INTS2: variants seen among roughly 807,000 people sequenced by gnomAD.
INTS2 encodes the protein KIAA1287.
A neutral mutation model predicts 139.6 loss-of-function variants in INTS2; 57 were observed. That is an observed-to-expected ratio of 0.41 (90% confidence interval 0.33 to 0.51). The LOEUF (loss-of-function observed/expected upper bound fraction) is 0.51, where lower values mean the gene tolerates loss of function less well. Ranked by LOEUF, INTS2 falls within the 20% of genes least tolerant of loss-of-function variation. INTS2 has a pLI of 0.28. For synonymous variants in INTS2, 473 were observed against 493.4 expected, an observed-to-expected ratio of 0.96 and a Z score of 0.55; for missense variants, 1,196 against 1,436.7, an observed-to-expected ratio of 0.83 and a Z score of 2.71.
chr17:61,877,214 G>A (rs944234318), intron 18 of INTS2, among the ~76,000 whole-genome samples: 1 of 152,012 alleles, frequency 6.6e-6, no homozygotes, highest in African/African-American at 2.4e-5. Flanking sequence ...TATATGGGGA[G>A]GATATAAATA....
At chr17:61,912,573 G>C (rs759570437) in intron 5 of INTS2, among the ~76,000 whole-genome samples, 5 of 151,976 alleles carry the variant, frequency 3.3e-5, no homozygotes, top group African/African-American at 1.2e-4. Flanking sequence ...AGTGAGCCAA[G>C]ATCGCATCAT....
chr17:61,901,986 T>G (rs1287090449), intron 9 of INTS2, among the ~76,000 whole-genome samples: 1 of 152,192 alleles, frequency 6.6e-6, no homozygotes, highest in East Asian at 1.9e-4. Flanking sequence ...CTTTGACATC[T>G]GATTGATAGT....
In INTS2 at chr17:61,891,701, T is replaced by C. The variant is rs751761395; in HGVS notation, c.1699-12A>G. 4 of 1,578,842 alleles carry C rather than the reference T, an allele frequency of 2.5e-6. No homozygotes were observed. In the South Asian group the frequency reaches 4.6e-5, roughly 18 times the overall value. ...CTATAAATCCAATCCTAAGAAAGAA[T>C]GTTATAGACACTGAATTAATTGTGG... On this transcript the variant is annotated splice_polypyrimidine_tract_variant and intron_variant, in intron 13 of 24. Coordinates refer to ENST00000251334, the MANE Select transcript of INTS2 (RefSeq NM_001351695.2).
intron 9 of INTS2, among the ~76,000 whole-genome samples, chr17:61,899,094 C>T (rs527400293): frequency 6.6e-6 from 1 of 152,276 alleles, no homozygotes; most frequent in Non-Finnish European, 1.5e-5. Context: ...AACCATATAA[C>T]AAATAATAAA....
At chr17:61,885,500 C>T (rs551480305) in intron 15 of INTS2, among the ~76,000 whole-genome samples, 13 of 151,394 alleles carry the variant, frequency 8.6e-5, no homozygotes, top group East Asian at 3.9e-4. Flanking sequence ...CTGCAACCTC[C>T]GCTTCCCGGG....
Position 61,893,030 on chromosome 17 carries a change from G to A in INTS2, c.1698+735C>T, listed in dbSNP as rs887606407. Among the ~76,000 whole-genome samples the A allele has an allele frequency of 6.6e-6, 1 of 151,050 alleles. No homozygotes were observed. The highest frequency in any genetic ancestry group is 1.5e-5 in the Non-Finnish European group (1 of 67,882). On this transcript the variant is annotated intron_variant, in intron 13 of 24. Coordinates refer to ENST00000251334, the MANE Select transcript of INTS2 (RefSeq NM_001351695.2). The surrounding 1 kb of genome is among the most constrained non-coding windows in gnomAD (Gnocchi z 5.4). ...TCCAGCTACTTAGGAGGCTGTGGCAGGAGGACTGCTTGAGCCCAGGAGTTT... is the reference window on the plus strand; with the variant it reads ...TCCAGCTACTTAGGAGGCTGTGGCAAGAGGACTGCTTGAGCCCAGGAGTTT...
Position 61,869,185 on chromosome 17 carries a change from T to G in INTS2, c.3139-46A>C. ...ATTACATGTTTCTCAAGAATATCTT[T>G]AGGTATTAAAAATTATAAAATGTTT... On this transcript the variant is annotated intron_variant, in intron 22 of 24. Coordinates refer to ENST00000251334, the MANE Select transcript of INTS2 (RefSeq NM_001351695.2). The surrounding 1 kb of genome is among the most constrained non-coding windows in gnomAD (Gnocchi z 5.4). 1 of 1,473,732 alleles carries G rather than the reference T, an allele frequency of 6.8e-7. No individual in the cohort carries two copies. Among genetic ancestry groups the G allele is most frequent in the Non-Finnish European group, 9.5e-7 (1 of 1,056,220 alleles). The allele number at this position is 1,473,732 out of a possible 1,614,324, so 91.3% of individuals were successfully genotyped here.
intron 13 of INTS2, among the ~76,000 whole-genome samples, chr17:61,892,909 G>C (rs1276579433): frequency 7.3e-6 from 1 of 136,388 alleles, no homozygotes; most frequent in Non-Finnish European, 1.5e-5. Flanking sequence ...AGCTGAGATA[G>C]CACCACTGCA....
intron 12 of INTS2, 187 bp from the exon 13 acceptor site, chr17:61,894,086 A>G (rs2079322960): frequency 7.6e-6 from 3 of 392,786 alleles, no homozygotes; most frequent in Admixed American, 8.4e-5. Flanking sequence ...AGGGATTTAT[A>G]TAATTCCCTA....
At chr17:61,917,587 T>C (rs1159766773) in intron 5 of INTS2, among the ~76,000 whole-genome samples, 2 of 152,108 alleles carry the variant, frequency 1.3e-5, no homozygotes, top group African/African-American at 4.8e-5. Context: ...TGGGTACACA[T>C]GGACATAAAG....
chr17:61,904,525 C>T lies in INTS2; in HGVS notation c.1242G>A (p.Thr414=), dbSNP rs775517225. 3.2e-5 allele frequency: 52 copies of T among 1,611,824 alleles called. No individual in the cohort carries two copies. Among genetic ancestry groups the T allele is most frequent in the South Asian group, 5.5e-5 (5 of 90,732 alleles). ...GTGAAACAAAGCGAACCCCAGCTGG[C>T]GTAGCAGGAGGACGGCTCGTCATCA... The part of the protein sequence containing the change: ...LQLMTSRPPA[T]PAGVRFVSLS... Residue 414 remains threonine (T), a synonymous_variant, in exon 9 of 25, where the codon ACG becomes ACA. Transcript: ENST00000251334.
chr17:61,901,786 C>T (rs150775145), intron 9 of INTS2, among the ~76,000 whole-genome samples: 1,953 of 151,264 alleles, frequency 0.013, 47 homozygotes, highest in African/African-American at 0.045. Context: ...TTAGTAGAGA[C>T]GGGGTTTCAC....
In INTS2 at chr17:61,924,949, A is replaced by G. The variant is rs2079693693; in HGVS notation, c.432+12T>C. 2 of 1,609,538 alleles carry G rather than the reference A, an allele frequency of 1.2e-6. No individual in the cohort carries two copies. Among genetic ancestry groups the G allele is most frequent in the Admixed American group, 1.7e-5 (1 of 59,304 alleles). ...TCATGCATACTTTGAGCTGTGGTTA[A>G]AAGAAATGCACCTTGTTCATAATTG... On this transcript the variant is annotated intron_variant, in intron 3 of 24. Transcript: ENST00000251334.
At position 61,876,436 on chromosome 17, in the gene INTS2, A is replaced by T. The variant is rs2079127324; in HGVS notation, c.2457-1398T>A. 6.6e-6 allele frequency among the ~76,000 whole-genome samples: 1 copy of T among 152,018 alleles called. No homozygotes were observed. Reference sequence around the variant, plus strand: ...CATGAAGACAGAAAGCTCTGAAAGGAATGTCTCCAAGAAAAAAAAAATAGT... The same window carrying T: ...CATGAAGACAGAAAGCTCTGAAAGGTATGTCTCCAAGAAAAAAAAAATAGT... On this transcript the variant is annotated intron_variant, in intron 18 of 24. Coordinates refer to ENST00000251334, the MANE Select transcript of INTS2 (RefSeq NM_001351695.2). The surrounding 1 kb of genome is among the most constrained non-coding windows in gnomAD (Gnocchi z 4.1).
chr17:61,883,457 TAAAG>T (rs1386934197), intron 16 of INTS2, among the ~76,000 whole-genome samples: 2 of 137,914 alleles, frequency 1.5e-5, no homozygotes, highest in Non-Finnish European at 3.1e-5. Flanking sequence ...CCAACCATAA[TAAAG>T]AAAAAATTCC....
chr17:61,902,895 G>A (rs1441291943), intron 9 of INTS2, among the ~76,000 whole-genome samples: 2 of 150,268 alleles, frequency 1.3e-5, no homozygotes, highest in African/African-American at 4.9e-5. Context: ...GGCTGGGCAC[G>A]GTGGCTCACG....
rs1267364780 is a variant in INTS2 at position 61,926,329 on chromosome 17, CATATA to C, written c.293+18_293+22del. 3 of 1,532,180 alleles carry C rather than the reference CATATA, an allele frequency of 2.0e-6. No individual in the cohort carries two copies. Among genetic ancestry groups the C allele is most frequent in the African/African-American group, 1.4e-5 (1 of 72,414 alleles). 94.9% of individuals were successfully genotyped at this position (1,532,180 alleles called of 1,614,324 possible). On this transcript the variant is annotated intron_variant, in intron 2 of 24. Coordinates refer to ENST00000251334, the MANE Select transcript of INTS2 (RefSeq NM_001351695.2). ...CTGTTCTTTGTCAAATCCAAATCCA[CATATA>C]ATATAACATAACATTACCTAAGCTG... is the stretch of plus-strand genomic sequence containing the variant.
Position 61,867,345 on chromosome 17 carries a change from C to T in INTS2, c.*212G>A. On this transcript the variant is annotated 3_prime_UTR_variant, in exon 25 of 25. Transcript: ENST00000251334. This position sits in a 1 kb window ranked among gnomAD's most constrained non-coding sequence, Gnocchi z 5.6. ...AAAAGCTCAGCTGCTACAATAGAAA[C>T]ATATCAGCAAAGTAGATCCAAAGAT... The T allele has an allele frequency of 3.0e-6, 1 of 336,960 alleles. No individual in the cohort carries two copies. The highest frequency in any genetic ancestry group is 5.3e-6 in the Non-Finnish European group (1 of 187,772). 20.9% of individuals were successfully genotyped at this position (336,960 alleles called of 1,614,324 possible).
chr17:61,924,036 A>G (rs567816568), intron 3 of INTS2, among the ~76,000 whole-genome samples: 10 of 152,340 alleles, frequency 6.6e-5, no homozygotes, highest in African/African-American at 2.4e-4. Context: ...CCAAAGGTCT[A>G]TGACCTAAGT....
Sources: allele counts gnomAD v4.1 joint callset (sites outside exome capture counted in the v4.1 genomes callset), GRCh38; gene constraint gnomAD v4.1.1; non-coding constraint Gnocchi (gnomAD v3.1); transcripts MANE v1.5; gene names NCBI Gene and HGNC (gene_info 2026-07-23, HGNC 2026-07-21).